Variants in COL4A1 observed in about 807,000 individuals in gnomAD.
COL4A1 encodes the protein collagen type IV alpha 1 chain.
A neutral mutation model predicts 216.6 loss-of-function variants in COL4A1; 40 were observed. The ratio of observed to expected loss-of-function variants is 0.18; its 90% CI spans 0.14 to 0.24. The LOEUF (loss-of-function observed/expected upper bound fraction) is 0.24. COL4A1 is among the 10% of genes least tolerant of loss of function. COL4A1 has a pLI of 1.00. For synonymous variants in COL4A1, 839 were observed against 810.7 expected, an observed-to-expected ratio of 1.03 and a Z score of -0.59; for missense variants, 1,628 against 2,196.8, an observed-to-expected ratio of 0.74 and a Z score of 5.18.
At chr13:110,259,576 C>G (rs1054219055) in intron 1 of COL4A1, among the ~76,000 whole-genome samples, 1 of 152,186 alleles carries the variant, frequency 6.6e-6, no homozygotes, top group Non-Finnish European at 1.5e-5. Flanking sequence ...TTTTCAAAAA[C>G]CAGAGCGAAT....
intron 2 of COL4A1, among the ~76,000 whole-genome samples, chr13:110,219,095 A>C (rs1880246088): frequency 6.6e-6 from 1 of 152,180 alleles, no homozygotes. Context: ...CCGCGGGGTC[A>C]TGGAAAACTC....
At chr13:110,298,114 T>A (rs1884349484) in intron 1 of COL4A1, among the ~76,000 whole-genome samples, 1 of 152,138 alleles carries the variant, frequency 6.6e-6, no homozygotes, top group South Asian at 2.1e-4. Flanking sequence ...CAACATGAAA[T>A]AATAAAGAAG....
intron 1 of COL4A1, among the ~76,000 whole-genome samples, chr13:110,275,712 A>G (rs1355040787): frequency 6.6e-6 from 1 of 152,238 alleles, no homozygotes; most frequent in African/African-American, 2.4e-5. Context: ...GAATATTCAC[A>G]CTAAAAATAA....
intron 1 of COL4A1, chr13:110,305,760 C>CT (rs1239141015): frequency 6.6e-6 from 1 of 152,220 alleles, no homozygotes; most frequent in African/African-American, 2.4e-5. Context: ...GGGAGATAAG[C>CT]TCTCAATTAG....
At chr13:110,273,527 A>G (rs746691982) in intron 1 of COL4A1, among the ~76,000 whole-genome samples, 4 of 152,132 alleles carry the variant, frequency 2.6e-5, no homozygotes, top group Non-Finnish European at 5.9e-5. Context: ...TCCTAAACAC[A>G]CAGATCCTAG....
chr13:110,162,061 A>G, intron 48 of COL4A1, 169 bp downstream of exon 48: 1 of 728,214 alleles, frequency 1.4e-6, no homozygotes, highest in South Asian at 1.5e-5. Flanking sequence ...TTTGTAATCA[A>G]TGGAGGGAAA....
intron 18 of COL4A1, among the ~76,000 whole-genome samples, chr13:110,201,974 T>C (rs774312365): frequency 6.6e-6 from 1 of 152,128 alleles, no homozygotes; most frequent in African/African-American, 2.4e-5. Context: ...GGAGTGAGAC[T>C]CTGTCTCAAA....
intron 1 of COL4A1, among the ~76,000 whole-genome samples, chr13:110,253,068 A>G (rs552909689): frequency 2.2e-5 from 2 of 91,734 alleles, no homozygotes; most frequent in East Asian, 6.8e-4. Flanking sequence ...TATTACATAT[A>G]CATATAACTA....
At chr13:110,241,787 C>T (rs1040350392) in intron 2 of COL4A1, among the ~76,000 whole-genome samples, 3 of 152,186 alleles carry the variant, frequency 2.0e-5, no homozygotes, top group Non-Finnish European at 4.4e-5. Context: ...TGCTGAATTT[C>T]GAAAGCATCA....
intron 1 of COL4A1, among the ~76,000 whole-genome samples, chr13:110,302,073 T>C (rs2139324629): frequency 6.6e-6 from 1 of 152,044 alleles, no homozygotes. Context: ...CAAAGAGAGC[T>C]GGAAGGGAGT....
At chr13:110,305,099 C>T (rs148063642) in intron 1 of COL4A1, among the ~76,000 whole-genome samples, 2 of 152,150 alleles carry the variant, frequency 1.3e-5, no homozygotes, top group Admixed American at 1.3e-4. Context: ...TCTTGTATAC[C>T]CATACATCAT....
intron 15 of COL4A1, 82 bp from the exon 16 acceptor site, chr13:110,205,620 T>C (rs751077212): frequency 6.7e-5 from 100 of 1,493,768 alleles, no homozygotes; most frequent in Middle Eastern, 1.8e-4. Context: ...CCCAGCACTT[T>C]GGGAGGCCGA....
At chr13:110,175,071 G>A (rs141265209) in intron 37 of COL4A1, 147 bp downstream of exon 37, 1 of 982,216 alleles carries the variant, frequency 1.0e-6, no homozygotes, top group African/African-American at 1.6e-5. Flanking sequence ...TGAATACAAG[G>A]GGAAGGAGAG....
chr13:110,170,689 T>C lies in COL4A1; in HGVS notation c.3600A>G (p.Pro1200=). The part of the protein sequence containing the change: ...EVGFPGLAGS[P]GIPGSKGEQG... ...GCTCTCCTTTGGATCCAGGAATTCCTGGGCTCCCGGCTAATCCTGGGAAAC... is the reference window on the plus strand; with the variant it reads ...GCTCTCCTTTGGATCCAGGAATTCCCGGGCTCCCGGCTAATCCTGGGAAAC... Residue 1200 remains proline, a synonymous_variant, in exon 42 of 52, where the codon CCA becomes CCG. Transcript: ENST00000375820. The C allele has an allele frequency of 6.2e-7, 1 of 1,614,230 alleles. No individual in the cohort carries two copies. Among genetic ancestry groups the C allele is most frequent in the Non-Finnish European group, 8.5e-7 (1 of 1,180,044 alleles).
chr13:110,163,329 A>T, intron 47 of COL4A1, 134 bp downstream of exon 47: 1 of 775,502 alleles, frequency 1.3e-6, no homozygotes, highest in East Asian at 2.7e-5. Flanking sequence ...ATTTCTTCTA[A>T]GAAACAGACT....
rs1287672432 is a variant in COL4A1 at position 110,176,684 on chromosome 13, G to T, written c.2910C>A (p.Asp970Glu). The T allele has an allele frequency of 6.2e-7, 1 of 1,614,166 alleles. No individual in the cohort carries two copies. Among genetic ancestry groups the T allele is most frequent in the Admixed American group, 1.7e-5 (1 of 60,026 alleles). ...GPIGEKGSRG[D>E]PGTPGVPGKD... ...TTCCAGGCACTCCTGGGGTCCCAGG[G>T]TCTCCTCGGGATCCCTTCTCACCAA... Residue 970 changes from aspartate to glutamate, a missense_variant, in exon 35 of 52, where the codon GAC (aspartate) becomes GAA (glutamate). Physicochemically the swap from Asp to Glu is conservative, Grantham distance 45 (BLOSUM62 2). Coordinates refer to ENST00000375820, the MANE Select transcript of COL4A1 (RefSeq NM_001845.6).
chr13:110,262,396 G>C (rs1045613894), intron 1 of COL4A1, among the ~76,000 whole-genome samples: 3 of 152,228 alleles, frequency 2.0e-5, no homozygotes, highest in Non-Finnish European at 4.4e-5. Context: ...CTCCCAGAGT[G>C]GTGGTAATTA....
chr13:110,270,839 C>T (rs1594106522), intron 1 of COL4A1, among the ~76,000 whole-genome samples: 1 of 152,124 alleles, frequency 6.6e-6, no homozygotes, highest in African/African-American at 2.4e-5. Flanking sequence ...CCTAGCCCCC[C>T]TAACTTAGAT....
chr13:110,243,132 G>T (rs1382041250), intron 1 of COL4A1, among the ~76,000 whole-genome samples: 1 of 152,170 alleles, frequency 6.6e-6, no homozygotes, highest in Admixed American at 6.5e-5. Context: ...ACCTAAGACC[G>T]TGGAGGCTGA....
Sources: allele counts gnomAD v4.1 joint callset (sites outside exome capture counted in the v4.1 genomes callset), GRCh38; gene constraint gnomAD v4.1.1; transcripts MANE v1.5; gene names NCBI Gene and HGNC (gene_info 2026-07-23, HGNC 2026-07-21).